TMEM132B: variants seen among roughly 807,000 people sequenced by gnomAD.
TMEM132B encodes the protein transmembrane protein 132B.
Under a neutral mutation model 90.8 loss-of-function variants are expected in TMEM132B, and 18 were observed. That is an observed-to-expected ratio of 0.20 (90% CI 0.14 to 0.29). The LOEUF (loss-of-function observed/expected upper bound fraction) is 0.29. TMEM132B is among the 10% of genes least tolerant of loss of function. The pLI is 1.00. For missense variants in TMEM132B, 1,096 were observed against 1,326.8 expected, an observed-to-expected ratio of 0.83 and a Z score of 2.70; for synonymous variants, 504 against 523.3, an observed-to-expected ratio of 0.96 and a Z score of 0.50.
At position 125,251,776 on chromosome 12, in the gene TMEM132B, C is replaced by T. The variant is rs1014838240; in HGVS notation, c.67+64910C>T. Among the ~76,000 whole-genome samples the T allele has an allele frequency of 6.6e-5, 10 of 152,126 alleles. No homozygotes were observed. The highest frequency in any genetic ancestry group is 2.2e-4 in the African/African-American group (9 of 41,420). ...CCCAGTGTTGCCAGAGCTGATTTTC[C>T]TAGAAAGGCCATTCGTTTGGATTTT... On this transcript the variant is annotated intron_variant, in intron 1 of 8. Coordinates refer to ENST00000682704, the MANE Select transcript of TMEM132B (RefSeq NM_001366854.1). The surrounding 1 kb of genome is among the most constrained non-coding windows in gnomAD (Gnocchi z 4.4).
In TMEM132B at chr12:125,332,583, C is replaced by CTTT. The variant is rs201828438; in HGVS notation, c.68-16836_68-16834dup. Among the ~76,000 whole-genome samples the CTTT allele has an allele frequency of 4.7e-3, 245 of 52,418 alleles. 28 individuals are homozygous for CTTT. The highest frequency in any genetic ancestry group is 0.012 in the East Asian group (19 of 1,534). 34.4% of individuals were successfully genotyped at this position (52,418 alleles called of 152,430 possible). ...CTGAGAAATTAATTCAGAGAGTTGG[C>CTTT]TTTTTTTTTTTTTTTTTTTTTTTTT... On this transcript the variant is annotated intron_variant, in intron 1 of 8. Coordinates refer to ENST00000682704, the MANE Select transcript of TMEM132B (RefSeq NM_001366854.1).
chr12:125,644,595 A>G (rs1473126220), intron 6 of TMEM132B, among the ~76,000 whole-genome samples: 1 of 152,148 alleles, frequency 6.6e-6, no homozygotes, highest in Non-Finnish European at 1.5e-5. Context: ...GCTATTTTCT[A>G]TTCCTTACTC....
intron 5 of TMEM132B, among the ~76,000 whole-genome samples, chr12:125,632,455 A>G (rs1886389151): frequency 6.6e-6 from 1 of 151,890 alleles, no homozygotes; most frequent in African/African-American, 2.4e-5. Flanking sequence ...AATATTCTGT[A>G]TTTTTCTGTG....
rs1245715624 is a variant in TMEM132B, at chr12:125,399,461, GTGTGTGTGTGTGTGTGTGTGTA to G, written c.960-16048_960-16027del. Among the ~76,000 whole-genome samples, 227 of 87,980 alleles carry G rather than the reference GTGTGTGTGTGTGTGTGTGTGTA, an allele frequency of 2.6e-3. 1 individual carries two copies. The highest frequency in any genetic ancestry group is 9.6e-3 in the African/African-American group (209 of 21,682). 57.7% of individuals were successfully genotyped at this position (87,980 alleles called of 152,430 possible). A position where few individuals can be genotyped will look rare whatever the true frequency, so the allele number is the denominator to read the frequency against. ...CTGTGGAAGATGTGAAGAAGGAAGTGTGTGTGTGTGTGTGTGTGTGTATGTGTGTGTGTGTGTGTGTGTGTGT... is the reference window on the plus strand; with the variant it reads ...CTGTGGAAGATGTGAAGAAGGAAGTGTGTGTGTGTGTGTGTGTGTGTGTGT... On this transcript the variant is annotated intron_variant, in intron 2 of 8. Transcript: ENST00000682704.
chr12:125,462,908 C>A (rs145449974), intron 3 of TMEM132B, among the ~76,000 whole-genome samples: 98 of 152,178 alleles, frequency 6.4e-4, no homozygotes, highest in Admixed American at 1.0e-3. Context: ...TGACCCAGAC[C>A]CAAGGGCCCC....
rs183991186 is a variant in TMEM132B at position 125,289,078 on chromosome 12, G to C, written c.68-60374G>C. 1.4e-4 allele frequency among the ~76,000 whole-genome samples: 21 copies of C among 152,316 alleles called. No individual in the cohort carries two copies. In the East Asian group the frequency reaches 1.9e-3, roughly 14 times the overall value. The stretch of plus-strand genomic sequence containing the variant: ...ACCTTACCTATTCTTAAGAGAATTT[G>C]TCCAAGCTTTGATGGGCTTGACCTG... On this transcript the variant is annotated intron_variant, in intron 1 of 8. Transcript: ENST00000682704.
intron 3 of TMEM132B, among the ~76,000 whole-genome samples, chr12:125,487,417 T>C (rs1037452955): frequency 8.5e-5 from 13 of 152,212 alleles, no homozygotes; most frequent in Admixed American, 8.5e-4. Context: ...TCTCAGTGGT[T>C]TAACACAGTG....
chr12:125,400,476 G>C (rs138139226), intron 2 of TMEM132B, among the ~76,000 whole-genome samples: 34 of 152,308 alleles, frequency 2.2e-4, no homozygotes, highest in African/African-American at 7.5e-4. Context: ...CTCCTGTTCT[G>C]ACTCAGAGGC....
At chr12:125,470,305 G>A (rs1282631072) in intron 3 of TMEM132B, among the ~76,000 whole-genome samples, 5 of 152,192 alleles carry the variant, frequency 3.3e-5, no homozygotes, top group Non-Finnish European at 2.9e-5. Context: ...GGGCCTGGCC[G>A]TCTCTGGCCC....
At chr12:125,620,308 T>G (rs961374893) in intron 5 of TMEM132B, among the ~76,000 whole-genome samples, 25 of 152,232 alleles carry the variant, frequency 1.6e-4, no homozygotes, top group African/African-American at 5.8e-4. Context: ...ACAGATATAT[T>G]CTTGCTTGGG....
In TMEM132B at chr12:125,658,700, G is replaced by GT. The variant is rs1159645845; in HGVS notation, c.*3996dup. On this transcript the variant is annotated 3_prime_UTR_variant, in exon 9 of 9. Coordinates refer to ENST00000682704, the MANE Select transcript of TMEM132B (RefSeq NM_001366854.1). ...TATAGGCAATATAATGAAACACCGA[G>GT]TTTTTTAAAGTGAAAGCATGCAAAA... 1.3e-5 allele frequency: 2 copies of GT among 152,164 alleles called. No individual in the cohort carries two copies. Among genetic ancestry groups the GT allele is most frequent in the African/African-American group, 2.4e-5 (1 of 41,428 alleles). The allele number at this position is 152,164 out of a possible 1,614,324, so 9.4% of individuals were successfully genotyped here.
intron 5 of TMEM132B, among the ~76,000 whole-genome samples, chr12:125,599,817 C>T (rs16919315): frequency 0.07 from 10,694 of 152,076 alleles, 422 homozygotes; most frequent in East Asian, 0.13. Context: ...GTAAGCTTAG[C>T]GCCAGGAATG....
At chr12:125,499,417 A>G (rs914998306) in intron 3 of TMEM132B, among the ~76,000 whole-genome samples, 2 of 152,232 alleles carry the variant, frequency 1.3e-5, no homozygotes, top group African/African-American at 4.8e-5. Flanking sequence ...TTGTGTAAAG[A>G]CAATGCCAGG....
At chr12:125,351,517 C>A (rs1427065960) in intron 2 of TMEM132B, among the ~76,000 whole-genome samples, 1 of 151,910 alleles carries the variant, frequency 6.6e-6, no homozygotes, top group African/African-American at 2.4e-5. Flanking sequence ...GAGACTGAGA[C>A]AACATAAGTA....
At chr12:125,511,630 A>G (rs1274359045) in intron 3 of TMEM132B, among the ~76,000 whole-genome samples, 1 of 151,990 alleles carries the variant, frequency 6.6e-6, no homozygotes, top group African/African-American at 2.4e-5. Flanking sequence ...AGGTGGGCGG[A>G]TCACGAGGTT....
chr12:125,305,741 C>CT, intron 1 of TMEM132B, among the ~76,000 whole-genome samples: 1 of 152,246 alleles, frequency 6.6e-6, no homozygotes, highest in East Asian at 1.9e-4. Flanking sequence ...TTGGAGATCT[C>CT]TAAGTTTAAA....
intron 4 of TMEM132B, among the ~76,000 whole-genome samples, chr12:125,551,352 C>T (rs947113504): frequency 3.3e-5 from 5 of 152,202 alleles, no homozygotes; most frequent in African/African-American, 1.2e-4. Flanking sequence ...GATCCTATTT[C>T]CTTTCCATTA....
chr12:125,592,967 G>A (rs185398142), intron 5 of TMEM132B, among the ~76,000 whole-genome samples: 119 of 152,294 alleles, frequency 7.8e-4, no homozygotes, highest in African/African-American at 1.7e-3. Context: ...AGACTAATCC[G>A]AATTTTACTT....
At chr12:125,383,120 C>T (rs965423538) in intron 2 of TMEM132B, among the ~76,000 whole-genome samples, 7 of 152,222 alleles carry the variant, frequency 4.6e-5, no homozygotes, top group African/African-American at 4.8e-5. Context: ...TTGAACTGGA[C>T]GGTGAGACGG....
Sources: allele counts gnomAD v4.1 joint callset (sites outside exome capture counted in the v4.1 genomes callset), GRCh38; gene constraint gnomAD v4.1.1; non-coding constraint Gnocchi (gnomAD v3.1); transcripts MANE v1.5; gene names NCBI Gene and HGNC (gene_info 2026-07-23, HGNC 2026-07-21).